The following GREB1 variants were observed in gnomAD, a reference collection of about 807,000 sequenced individuals.
GREB1 encodes the protein protein GREB1.
GREB1 carries 106 observed loss-of-function variants against 200.7 expected under a neutral mutation model. That is an observed-to-expected ratio of 0.53 (90% CI 0.45 to 0.62). GREB1 has a LOEUF of 0.62. Among genes scored for constraint, GREB1 ranks in the 20% least tolerant of loss-of-function variants. The probability of loss-of-function intolerance (pLI) is 0.00; values close to 1 mark genes in which losing one functional copy is unlikely to be tolerated. For synonymous variants in GREB1, 1,132 were observed against 1,092.4 expected (o/e 1.04, Z -0.72); for missense variants, 2,243 against 2,556.8 (o/e 0.88, Z 2.65).
At chr2:11,610,628 G>A in intron 17 of GREB1, 60 bp from the exon 18 acceptor site, 18 of 1,301,218 alleles carry the variant, frequency 1.4e-5, no homozygotes, top group Non-Finnish European at 1.6e-5. Context: ...TGGGTGACTT[G>A]GCAGCAGCAG....
chr2:11,485,650 C>T (rs113645899), intron 1 of GREB1, among the ~76,000 whole-genome samples: 1 of 152,172 alleles, frequency 6.6e-6, no homozygotes, highest in Admixed American at 6.5e-5. Context: ...AACAGCCTTT[C>T]TGAAAGGTTT....
intron 7 of GREB1, among the ~76,000 whole-genome samples, chr2:11,582,878 A>G (rs1019474671): frequency 5.9e-5 from 9 of 152,188 alleles, no homozygotes; most frequent in Non-Finnish European, 8.8e-5. Context: ...CTGGTTCGCA[A>G]TGGAGAAGTG....
intron 19 of GREB1, among the ~76,000 whole-genome samples, chr2:11,613,700 TAATC>T (rs1683135775): frequency 6.6e-6 from 1 of 152,242 alleles, no homozygotes; most frequent in African/African-American, 2.4e-5. Context: ...GACAATGTCT[TAATC>T]TATTTTAAAT....
intron 1 of GREB1, among the ~76,000 whole-genome samples, chr2:11,541,326 A>G (rs1032787788): frequency 6.6e-6 from 1 of 152,190 alleles, no homozygotes; most frequent in Non-Finnish European, 1.5e-5. Context: ...ACTTGACTCC[A>G]GACCATGGCC....
intron 1 of GREB1, among the ~76,000 whole-genome samples, chr2:11,485,915 TAAAG>T (rs934737546): frequency 6.6e-6 from 1 of 152,064 alleles, no homozygotes; most frequent in African/African-American, 2.4e-5. Flanking sequence ...AAGTGTAACA[TAAAG>T]AGAGAGGTCA....
intron 1 of GREB1, among the ~76,000 whole-genome samples, chr2:11,504,679 A>AT (rs1434768840): frequency 1.3e-5 from 2 of 152,232 alleles, no homozygotes; most frequent in African/African-American, 4.8e-5. Flanking sequence ...GTAGCATGTA[A>AT]TAGCACTTTA....
At chr2:11,618,950 C>T in intron 22 of GREB1, 31 bp downstream of exon 22, 1 of 1,456,614 alleles carries the variant, frequency 6.9e-7, no homozygotes, top group Non-Finnish European at 9.0e-7. Context: ...CAGCACAGCC[C>T]CGGACTGGGG....
chr2:11,632,333 C>G (rs1045761182), intron 27 of GREB1, among the ~76,000 whole-genome samples: 5 of 140,492 alleles, frequency 3.6e-5, no homozygotes, highest in African/African-American at 1.3e-4. Flanking sequence ...CTTTCTTTCT[C>G]TCTTTTTTTT....
At chr2:11,606,064 C>T (rs1162709203) in intron 17 of GREB1, among the ~76,000 whole-genome samples, 1 of 152,162 alleles carries the variant, frequency 6.6e-6, no homozygotes, top group East Asian at 1.9e-4. Context: ...TTGGTATACA[C>T]GGGGGGTTAA....
chr2:11,586,455 T>C (rs1680104290), intron 9 of GREB1, among the ~76,000 whole-genome samples: 1 of 152,130 alleles, frequency 6.6e-6, no homozygotes, highest in South Asian at 2.1e-4. Context: ...TACGTGGGGG[T>C]AGACTTTTGG....
upstream of GREB1, among the ~76,000 whole-genome samples, chr2:11,529,919 T>C (rs376945295): frequency 6.6e-6 from 1 of 152,190 alleles, no homozygotes; most frequent in East Asian, 1.9e-4. Context: ...AACAATATGT[T>C]TCTTAGTTTA....
At chr2:11,512,766 C>A (rs1263419151) in intron 1 of GREB1, among the ~76,000 whole-genome samples, 1 of 152,234 alleles carries the variant, frequency 6.6e-6, no homozygotes, top group East Asian at 1.9e-4. Flanking sequence ...CTGTGCCCAA[C>A]ACATGGCATG....
At chr2:11,620,690 G>A (rs1054732568) in intron 22 of GREB1, among the ~76,000 whole-genome samples, 2 of 152,134 alleles carry the variant, frequency 1.3e-5, no homozygotes, top group Non-Finnish European at 2.9e-5. Flanking sequence ...CGTGTGCGAC[G>A]ATATTTAAGC....
Position 11,588,085 on chromosome 2 carries a change from G to A in GREB1, c.1160-661G>A, listed in dbSNP as rs545170980. 4,403 of 469,940 alleles carry A rather than the reference G, an allele frequency of 9.4e-3. 34 individuals are homozygous for A. Among genetic ancestry groups the A allele is most frequent in the Non-Finnish European group, 0.011 (3,962 of 356,450 alleles). 29.1% of individuals were successfully genotyped at this position (469,940 alleles called of 1,614,324 possible). On this transcript the variant is annotated intron_variant, in intron 9 of 32. Transcript: ENST00000381486. ...TACTAAAAATACAAAAATTGGCCGG[G>A]TGTGGTGGTGATGCGCACCTGTCAT... is the stretch of plus-strand genomic sequence containing the variant.
In GREB1 at chr2:11,537,109, C is replaced by T. The variant is rs556335163; in HGVS notation, c.-162+2855C>T. Reference sequence around the variant, plus strand: ...TCCCAAGTAACTGAGATTACAGGCACCCGCCACCGCGCCTGGCTGATTTTT... The same window carrying T: ...TCCCAAGTAACTGAGATTACAGGCATCCGCCACCGCGCCTGGCTGATTTTT... On this transcript the variant is annotated intron_variant, in intron 1 of 32. Coordinates refer to ENST00000381486, the MANE Select transcript of GREB1 (RefSeq NM_014668.4). Among the ~76,000 whole-genome samples, 3 of 152,166 alleles carry T rather than the reference C, an allele frequency of 2.0e-5. No individual in the cohort carries two copies. The South Asian group carries it at 6.2e-4, about 32-fold the overall frequency.
At chr2:11,504,959 G>A (rs943670122) in intron 1 of GREB1, among the ~76,000 whole-genome samples, 16 of 152,138 alleles carry the variant, frequency 1.1e-4, no homozygotes, top group African/African-American at 3.6e-4. Flanking sequence ...TTGAGATAGA[G>A]TCTTGCTCTG....
At chr2:11,520,424 G>A (rs1274929888) in intron 1 of GREB1, among the ~76,000 whole-genome samples, 1 of 152,188 alleles carries the variant, frequency 6.6e-6, no homozygotes, top group Non-Finnish European at 1.5e-5. Flanking sequence ...GCTCCAGGAG[G>A]AATCTGTTTC....
At chr2:11,576,576 C>T (rs1678877591) in intron 5 of GREB1, 41 bp downstream of exon 5, 4 of 1,527,468 alleles carry the variant, frequency 2.6e-6, no homozygotes, top group Admixed American at 1.8e-5. Flanking sequence ...GAGTGCTGGG[C>T]CCCCAAGTGG....
intron 25 of GREB1, among the ~76,000 whole-genome samples, chr2:11,627,772 G>T (rs753300250): frequency 2.6e-5 from 4 of 152,232 alleles, no homozygotes; most frequent in Non-Finnish European, 5.9e-5. Flanking sequence ...CACCCAAGGT[G>T]TGCTGGATGG....
Sources: gnomAD v4.1 joint callset for allele counts (sites outside exome capture counted in the v4.1 genomes callset) on GRCh38, gnomAD v4.1.1 for gene constraint, MANE v1.5 for transcripts, NCBI Gene and HGNC (gene_info 2026-07-23, HGNC 2026-07-21) for gene names.